The following MAF variants were observed in gnomAD, a reference collection of about 807,000 sequenced individuals.
MAF encodes transcription factor Maf.
In MAF, 10 loss-of-function variants were observed where a neutral mutation model predicts 22.0. That is an observed-to-expected ratio of 0.45 (90% CI 0.28 to 0.77). The LOEUF is 0.77. Among genes scored for constraint, MAF ranks in the 30% least tolerant of loss-of-function variants. MAF has a pLI of 0.12. For missense variants in MAF, 544 were observed against 548.4 expected (o/e 0.99, Z 0.08); for synonymous variants, 337 against 255.8 (o/e 1.32, Z -3.03).
the MAF span, among the ~76,000 whole-genome samples, chr16:79,565,510 G>A: frequency 4.6e-5 from 7 of 152,046 alleles, no homozygotes; most frequent in East Asian, 1.9e-4. Flanking sequence ...GTGTTGTGGG[G>A]GGGGGGACCA....
the MAF span, among the ~76,000 whole-genome samples, chr16:79,350,795 A>G: frequency 6.6e-6 from 1 of 151,894 alleles, no homozygotes; most frequent in Non-Finnish European, 1.5e-5. Context: ...AAGAAATACA[A>G]AGTTGAATGT....
the MAF span, among the ~76,000 whole-genome samples, chr16:79,472,001 A>C: frequency 2.6e-5 from 4 of 152,184 alleles, no homozygotes; most frequent in East Asian, 5.8e-4. Flanking sequence ...AAGACTCCAC[A>C]GCAATTTTTC....
the MAF span, among the ~76,000 whole-genome samples, chr16:79,488,951 C>T: frequency 6.6e-6 from 1 of 152,310 alleles, no homozygotes; most frequent in Non-Finnish European, 1.5e-5. Flanking sequence ...TTTTCTACTG[C>T]CCTGTTGGCC....
rs531747491 is a variant in MAF at position 79,595,993 on chromosome 16, A to G, written c.1119-1440T>C. 4.7e-6 allele frequency: 5 copies of G among 1,061,252 alleles called. No homozygotes were observed. The African/African-American group carries it at 8.2e-5, about 17-fold the overall frequency. The allele number at this position is 1,061,252 out of a possible 1,614,324, so 65.7% of individuals were successfully genotyped here. Reference sequence around the variant, plus strand: ...TGTTAAATCTTGTCAGGCCTTGCTAACAAGAAAATCTCGGTGTGTAAGAGA... The same window carrying G: ...TGTTAAATCTTGTCAGGCCTTGCTAGCAAGAAAATCTCGGTGTGTAAGAGA... On this transcript the variant is annotated intron_variant, in intron 1 of 1. Coordinates refer to ENST00000326043, the MANE Select transcript of MAF (RefSeq NM_005360.5).
chr16:79,542,114 C>A, the MAF span, among the ~76,000 whole-genome samples: 1 of 152,224 alleles, frequency 6.6e-6, no homozygotes, highest in South Asian at 2.1e-4. Flanking sequence ...TTTCCTCCAA[C>A]TGCTAATGAC....
At chr16:79,517,026 T>G in the MAF span, among the ~76,000 whole-genome samples, 1 of 152,222 alleles carries the variant, frequency 6.6e-6, no homozygotes, top group African/African-American at 2.4e-5. Context: ...CCAAGTTTTT[T>G]TATTTTTTTT....
At chr16:79,296,905 G>A in the MAF span, among the ~76,000 whole-genome samples, 1 of 152,168 alleles carries the variant, frequency 6.6e-6, no homozygotes, top group African/African-American at 2.4e-5. Context: ...CCTGGTGGGT[G>A]GACTCTCCTC....
the MAF span, among the ~76,000 whole-genome samples, chr16:79,321,714 A>G: frequency 1.5e-5 from 2 of 137,336 alleles, no homozygotes; most frequent in African/African-American, 5.5e-5. Context: ...GTAGTGGCAC[A>G]ATCTCAGCTC....
At chr16:79,290,220 A>T in the MAF span, among the ~76,000 whole-genome samples, 1 of 152,174 alleles carries the variant, frequency 6.6e-6, no homozygotes, top group African/African-American at 2.4e-5. Flanking sequence ...CCAATCAGAT[A>T]AAAGAGTTGT....
chr16:79,440,996 C>T, the MAF span, among the ~76,000 whole-genome samples: 1 of 152,198 alleles, frequency 6.6e-6, no homozygotes, highest in Non-Finnish European at 1.5e-5. Context: ...GTCGTAATGT[C>T]CTATCACCCT....
At chr16:79,369,976 C>G in the MAF span, among the ~76,000 whole-genome samples, 2 of 152,328 alleles carry the variant, frequency 1.3e-5, no homozygotes, top group East Asian at 3.9e-4. Context: ...CTATTCTTTT[C>G]TTGGCACTCA....
the MAF span, among the ~76,000 whole-genome samples, chr16:79,293,251 T>A: frequency 6.6e-6 from 1 of 152,248 alleles, no homozygotes; most frequent in Middle Eastern, 3.4e-3. Context: ...GGCCTGATGC[T>A]GAGCCACCCC....
chr16:79,341,930 A>G, the MAF span, among the ~76,000 whole-genome samples: 1 of 152,342 alleles, frequency 6.6e-6, no homozygotes, highest in East Asian at 1.9e-4. Context: ...TAGCAGCCAG[A>G]TGGAAAGTGA....
At chr16:79,263,145 C>T in the MAF span, among the ~76,000 whole-genome samples, 1 of 152,168 alleles carries the variant, frequency 6.6e-6, no homozygotes, top group Admixed American at 6.5e-5. Context: ...GTGAACTAGG[C>T]AGACACGGCC....
chr16:79,210,829 C>G, the MAF span, among the ~76,000 whole-genome samples: 1 of 152,148 alleles, frequency 6.6e-6, no homozygotes. Flanking sequence ...GCCACAGCCG[C>G]AACTGTTACT....
chr16:79,497,377 C>G, the MAF span, among the ~76,000 whole-genome samples: 3 of 152,174 alleles, frequency 2.0e-5, no homozygotes, highest in African/African-American at 4.8e-5. Flanking sequence ...TCTCCTCACC[C>G]CACTCCACCC....
chr16:79,447,905 A>AAAAAAGAAAAG, the MAF span, among the ~76,000 whole-genome samples: 59 of 85,818 alleles, frequency 6.9e-4, 1 homozygote, highest in African/African-American at 2.7e-3. Context: ...AAAAAAAAAA[A>AAAAAAGAAAAG]AAAAGAAAAG....
the MAF span, among the ~76,000 whole-genome samples, chr16:79,337,809 C>A: frequency 6.6e-6 from 1 of 152,136 alleles, no homozygotes; most frequent in African/African-American, 2.4e-5. Context: ...ACTATAAAAC[C>A]CTTCTATGCA....
At chr16:79,292,600 G>A in the MAF span, among the ~76,000 whole-genome samples, 60,753 of 151,984 alleles carry the variant, frequency 0.4, 14,366 homozygotes, top group African/African-American at 0.65. Flanking sequence ...TTTGAACCAG[G>A]CAACTCCATC....
Sources: gnomAD v4.1 joint callset for allele counts (sites outside exome capture counted in the v4.1 genomes callset) on GRCh38, gnomAD v4.1.1 for gene constraint, MANE v1.5 for transcripts, NCBI Gene and HGNC (gene_info 2026-07-23, HGNC 2026-07-21) for gene names.